The following PPP3CA variants were observed in gnomAD, a reference collection of about 807,000 sequenced individuals.
PPP3CA encodes the protein CAM-PRP catalytic subunit.
PPP3CA carries 14 observed loss-of-function variants against 66.5 expected under a neutral mutation model. The ratio of observed to expected loss-of-function variants is 0.21; its 90% CI spans 0.14 to 0.33. PPP3CA has a LOEUF of 0.33. Ranked by LOEUF, PPP3CA falls within the 10% of genes least tolerant of loss-of-function variation. The pLI, the probability that PPP3CA is intolerant of heterozygous loss-of-function variation, is 1.00. For synonymous variants in PPP3CA, 232 were observed against 226.2 expected, an observed-to-expected ratio of 1.03 and a Z score of -0.23; for missense variants, 317 against 639.5, an observed-to-expected ratio of 0.50 and a Z score of 5.44.
chr4:101,125,472 C>T (rs74675949), intron 2 of PPP3CA, among the ~76,000 whole-genome samples: 6,068 of 152,234 alleles, frequency 0.04, 201 homozygotes, highest in Middle Eastern at 0.11. Flanking sequence ...CCTGCACACT[C>T]ATGAGTCAAT....
intron 9 of PPP3CA, among the ~76,000 whole-genome samples, chr4:101,061,914 C>T (rs903299539): frequency 6.6e-6 from 1 of 151,966 alleles, no homozygotes; most frequent in Non-Finnish European, 1.5e-5. Context: ...CTGTCTACTG[C>T]TTCTTTGAGA....
chr4:101,151,483 C>T (rs1390408785), intron 2 of PPP3CA, among the ~76,000 whole-genome samples: 2 of 149,720 alleles, frequency 1.3e-5, no homozygotes, highest in Admixed American at 6.7e-5. Context: ...CGCTTGAACC[C>T]GGGAGGTGGA....
intron 10 of PPP3CA, among the ~76,000 whole-genome samples, chr4:101,048,526 A>G (rs1391466062): frequency 7.4e-6 from 1 of 135,462 alleles, no homozygotes; most frequent in Non-Finnish European, 1.6e-5. Flanking sequence ...AAAAAAAAAA[A>G]AAAAAAAAAG....
intron 1 of PPP3CA, among the ~76,000 whole-genome samples, chr4:101,323,777 A>G (rs1269877096): frequency 6.6e-6 from 1 of 151,986 alleles, no homozygotes; most frequent in Non-Finnish European, 1.5e-5. Context: ...CCCCATAACA[A>G]CTCTATAGGT....
chr4:101,109,077 A>C lies in PPP3CA; in HGVS notation c.261T>G (p.Val87=). 1 of 1,612,510 alleles carries C rather than the reference A, an allele frequency of 6.2e-7. No homozygotes were observed. The highest frequency in any genetic ancestry group is 8.5e-7 in the Non-Finnish European group (1 of 1,178,808). Residue 87 remains valine (V), a splice_region_variant and synonymous_variant, in exon 3 of 14, where the codon GTT becomes GTG. Transcript: ENST00000394854. ...NLLDIDAPVT[V]CGDIHGQFFD... ...AGAATTGTCCATGAATGTCCCCACA[A>C]ACTGAAAGAAACAAAATTCATTTTA...
At chr4:101,277,072 T>C (rs1445425166) in intron 1 of PPP3CA, among the ~76,000 whole-genome samples, 3 of 152,138 alleles carry the variant, frequency 2.0e-5, no homozygotes, top group Non-Finnish European at 4.4e-5. Flanking sequence ...ACTCCCCAGA[T>C]CTACCCACTT....
intron 1 of PPP3CA, among the ~76,000 whole-genome samples, chr4:101,199,131 T>C (rs1160407681): frequency 6.6e-6 from 1 of 152,196 alleles, no homozygotes; most frequent in Non-Finnish European, 1.5e-5. Context: ...TTTGGCTTCA[T>C]AAAAAGCATA....
At chr4:101,328,092 C>G (rs1419889380) in intron 1 of PPP3CA, among the ~76,000 whole-genome samples, 1 of 152,126 alleles carries the variant, frequency 6.6e-6, no homozygotes, top group Non-Finnish European at 1.5e-5. Context: ...AAGAGGCCTC[C>G]GTGTGAAATT....
intron 10 of PPP3CA, among the ~76,000 whole-genome samples, chr4:101,051,363 C>A (rs1728001378): frequency 6.6e-6 from 1 of 152,100 alleles, no homozygotes; most frequent in Non-Finnish European, 1.5e-5. Context: ...TGTGGACTCA[C>A]AACTCTCTTG....
intron 1 of PPP3CA, among the ~76,000 whole-genome samples, chr4:101,330,922 A>T (rs1265460025): frequency 1.3e-5 from 2 of 151,838 alleles, no homozygotes; most frequent in African/African-American, 4.9e-5. Flanking sequence ...AATAATGCCA[A>T]GAAAAGCATA....
rs988831961 is a variant in PPP3CA at position 101,328,914 on chromosome 4, A to C, written c.58+17825T>G. 1.8e-4 allele frequency among the ~76,000 whole-genome samples: 27 copies of C among 152,042 alleles called. 1 individual carries two copies. The highest frequency in any genetic ancestry group is 2.9e-5 in the Non-Finnish European group (2 of 68,010). The stretch of plus-strand genomic sequence containing the variant: ...TGCTGTGCTGACCAGTCATTTACCC[A>C]TCTCTCTCTGTCTCTCCTTGGGCCT... On this transcript the variant is annotated intron_variant, in intron 1 of 13. Transcript: ENST00000394854.
At chr4:101,170,685 T>A (rs1723848967) in intron 2 of PPP3CA, among the ~76,000 whole-genome samples, 1 of 152,152 alleles carries the variant, frequency 6.6e-6, no homozygotes, top group Admixed American at 6.6e-5. Context: ...TAGATATACC[T>A]ATACTTGGAT....
chr4:101,057,874 T>C (rs1380210367), intron 10 of PPP3CA, among the ~76,000 whole-genome samples: 1 of 152,164 alleles, frequency 6.6e-6, no homozygotes, highest in Non-Finnish European at 1.5e-5. Flanking sequence ...CCTGCACTGC[T>C]ATCATATGCT....
At chr4:101,223,529 C>T (rs910542943) in intron 1 of PPP3CA, among the ~76,000 whole-genome samples, 3 of 151,748 alleles carry the variant, frequency 2.0e-5, no homozygotes, top group African/African-American at 7.3e-5. Flanking sequence ...CCTGATTCCA[C>T]AATTACATCT....
chr4:101,030,433 A>G (rs1302071181), intron 12 of PPP3CA, among the ~76,000 whole-genome samples: 2 of 152,162 alleles, frequency 1.3e-5, no homozygotes, highest in Admixed American at 6.5e-5. Context: ...ATTGAAGGGC[A>G]TCAGGCAATA....
chr4:101,132,512 A>C (rs1722478578), intron 2 of PPP3CA, among the ~76,000 whole-genome samples: 1 of 152,218 alleles, frequency 6.6e-6, no homozygotes, highest in South Asian at 2.1e-4. Context: ...GAAATGGATA[A>C]ATTCCTGGAC....
intron 8 of PPP3CA, among the ~76,000 whole-genome samples, chr4:101,072,844 G>A (rs1045103776): frequency 6.6e-6 from 1 of 150,972 alleles, no homozygotes; most frequent in Non-Finnish European, 1.5e-5. Context: ...GCTGAGGCAG[G>A]AGAATGGTGT....
At chr4:101,156,729 G>T (rs776164561) in intron 2 of PPP3CA, among the ~76,000 whole-genome samples, 1 of 152,052 alleles carries the variant, frequency 6.6e-6, no homozygotes, top group Non-Finnish European at 1.5e-5. Context: ...AAAGAACAAA[G>T]CAATTTGGCT....
intron 1 of PPP3CA, among the ~76,000 whole-genome samples, chr4:101,230,902 T>C (rs888237791): frequency 6.6e-6 from 1 of 151,752 alleles, no homozygotes; most frequent in Non-Finnish European, 1.5e-5. Flanking sequence ...GTGTATTCTC[T>C]GAACTATTTA....
Sources: gnomAD v4.1 joint callset for allele counts (sites outside exome capture counted in the v4.1 genomes callset) on GRCh38, gnomAD v4.1.1 for gene constraint, MANE v1.5 for transcripts, NCBI Gene and HGNC (gene_info 2026-07-23, HGNC 2026-07-21) for gene names.